The following LRRC7 variants were observed in gnomAD, a reference collection of about 807,000 sequenced individuals.
LRRC7 encodes leucine-rich repeat-containing protein 7.
Under a neutral mutation model 175.7 loss-of-function variants are expected in LRRC7, and 23 were observed. The ratio of observed to expected loss-of-function variants is 0.13; its 90% confidence interval spans 0.09 to 0.19. The LOEUF (loss-of-function observed/expected upper bound fraction) is 0.19, where lower values mean the gene tolerates loss of function less well. Among genes scored for constraint, LRRC7 ranks in the 10% least tolerant of loss-of-function variants. LRRC7 has a pLI of 1.00. For missense variants in LRRC7, 1,354 were observed against 1,904.7 expected (o/e 0.71, Z 5.38); for synonymous variants, 685 against 680.9 (o/e 1.01, Z -0.09).
chr1:69,786,469 C>A (rs1319459399), intron 3 of LRRC7, among the ~76,000 whole-genome samples: 1 of 145,306 alleles, frequency 6.9e-6, no homozygotes, highest in African/African-American at 2.5e-5. Context: ...CTTATTTTTT[C>A]TTCTTTCACT....
intron 8 of LRRC7, among the ~76,000 whole-genome samples, chr1:69,975,010 A>G (rs1652665763): frequency 6.6e-6 from 1 of 152,234 alleles, no homozygotes; most frequent in Admixed American, 6.5e-5. Flanking sequence ...TTTATCCATA[A>G]AGTGGGATTA....
chr1:70,100,282 C>G (rs895965582), intron 25 of LRRC7, among the ~76,000 whole-genome samples: 1 of 152,064 alleles, frequency 6.6e-6, no homozygotes, highest in African/African-American at 2.4e-5. Flanking sequence ...TAAAAGCAAT[C>G]TCAGAGAAAC....
intron 25 of LRRC7, among the ~76,000 whole-genome samples, chr1:70,093,841 C>T (rs1329720058): frequency 1.3e-5 from 2 of 151,650 alleles, no homozygotes; most frequent in African/African-American, 4.8e-5. Context: ...TTTCCAATTG[C>T]AAAATTTAAG....
At chr1:70,055,061 G>GT (rs1209855413) in intron 23 of LRRC7, among the ~76,000 whole-genome samples, 1 of 151,924 alleles carries the variant, frequency 6.6e-6, no homozygotes, top group Non-Finnish European at 1.5e-5. Context: ...AAAATATTTG[G>GT]TAATGCCACT....
chr1:69,613,316 G>T (rs77992551), intron 1 of LRRC7, among the ~76,000 whole-genome samples: 287 of 152,060 alleles, frequency 1.9e-3, no homozygotes, highest in African/African-American at 6.6e-3. Flanking sequence ...CTTCTTATAA[G>T]GACATTAATT....
rs1276069030 is a variant in LRRC7, at chr1:70,122,950, A to C, written c.*1063A>C. The C allele has an allele frequency of 6.6e-6, 1 of 152,554 alleles. No homozygotes were observed. Among genetic ancestry groups the C allele is most frequent in the Admixed American group, 6.6e-5 (1 of 15,266 alleles). 9.5% of individuals were successfully genotyped at this position (152,554 alleles called of 1,614,324 possible). Reference sequence around the variant, plus strand: ...TTTAAATCCTTGGTATTTAAATATGAAACTTCAAATATAATTTCTCAGAGC... The same window carrying C: ...TTTAAATCCTTGGTATTTAAATATGCAACTTCAAATATAATTTCTCAGAGC... On this transcript the variant is annotated 3_prime_UTR_variant, in exon 27 of 27. Coordinates refer to ENST00000651989, the MANE Select transcript of LRRC7 (RefSeq NM_001370785.2).
At chr1:70,047,490 C>G (rs998526254) in intron 22 of LRRC7, among the ~76,000 whole-genome samples, 1 of 151,988 alleles carries the variant, frequency 6.6e-6, no homozygotes, top group East Asian at 1.9e-4. Context: ...TTGTCCTGCA[C>G]CAAGGCTGTC....
intron 2 of LRRC7, among the ~76,000 whole-genome samples, chr1:69,715,286 A>G (rs1217573525): frequency 6.6e-6 from 1 of 152,196 alleles, no homozygotes; most frequent in Non-Finnish European, 1.5e-5. Context: ...GAAATTCTCT[A>G]TAGTCCTGAC....
At chr1:69,796,802 AAACAAAAAACAACAAC>A (rs1265391929) in intron 4 of LRRC7, among the ~76,000 whole-genome samples, 1 of 152,068 alleles carries the variant, frequency 6.6e-6, no homozygotes, top group Non-Finnish European at 1.5e-5. Context: ...CTCAAAAAAA[AAACAAAAAACAACAAC>A]AACAAAAAAC....
intron 8 of LRRC7, among the ~76,000 whole-genome samples, chr1:69,931,885 G>T (rs889532269): frequency 7.2e-5 from 11 of 152,122 alleles, no homozygotes; most frequent in African/African-American, 2.7e-4. Context: ...AATGGTCACT[G>T]TCATACATAG....
intron 1 of LRRC7, among the ~76,000 whole-genome samples, chr1:69,675,773 G>A (rs1163397327): frequency 6.6e-6 from 1 of 151,976 alleles, no homozygotes; most frequent in African/African-American, 2.4e-5. Context: ...AGACCTAGAA[G>A]CTTAATCTTC....
At chr1:69,782,613 G>A (rs1045984017) in intron 3 of LRRC7, among the ~76,000 whole-genome samples, 4 of 152,172 alleles carry the variant, frequency 2.6e-5, no homozygotes, top group Non-Finnish European at 5.9e-5. Flanking sequence ...ATGGAGAAGG[G>A]CCAGGGAAAA....
intron 15 of LRRC7, 42 bp from the exon 16 acceptor site, chr1:70,020,963 T>C (rs773580821): frequency 1.3e-6 from 2 of 1,552,040 alleles, no homozygotes; most frequent in South Asian, 1.2e-5. Flanking sequence ...TGTGTAAAAT[T>C]GTTTTTTAAA....
intron 8 of LRRC7, among the ~76,000 whole-genome samples, chr1:69,955,189 A>T (rs931915892): frequency 6.6e-6 from 1 of 152,020 alleles, no homozygotes; most frequent in Non-Finnish European, 1.5e-5. Flanking sequence ...TTCTCAATAT[A>T]CAAAAGTAAA....
chr1:69,652,724 T>C (rs1019741155), intron 1 of LRRC7, among the ~76,000 whole-genome samples: 11 of 151,636 alleles, frequency 7.3e-5, no homozygotes, highest in African/African-American at 2.7e-4. Context: ...ATAACCAAAA[T>C]AGAGGCTTCA....
intron 1 of LRRC7, among the ~76,000 whole-genome samples, chr1:69,636,424 GACAC>G (rs55772671): frequency 5.3e-5 from 8 of 150,412 alleles, no homozygotes; most frequent in Non-Finnish European, 8.9e-5. Flanking sequence ...TCCAGGCACA[GACAC>G]ACACACACAC....
At chr1:69,579,480 C>A (rs944347124) in intron 1 of LRRC7, among the ~76,000 whole-genome samples, 1 of 152,232 alleles carries the variant, frequency 6.6e-6, no homozygotes, top group Admixed American at 6.5e-5. Flanking sequence ...TCATTCCCAG[C>A]ATCATTGTTT....
At chr1:70,050,883 C>T (rs191617609) in intron 22 of LRRC7, among the ~76,000 whole-genome samples, 5 of 151,986 alleles carry the variant, frequency 3.3e-5, no homozygotes, top group Admixed American at 1.3e-4. Context: ...GTGTCTCATG[C>T]AAGAAAAACA....
At chr1:69,888,327 G>A (rs1042407891) in intron 7 of LRRC7, among the ~76,000 whole-genome samples, 22 of 152,270 alleles carry the variant, frequency 1.4e-4, no homozygotes, top group East Asian at 9.7e-4. Context: ...ATGGTGCGCC[G>A]TTTTTTAAGC....
Sources: allele counts gnomAD v4.1 joint callset (sites outside exome capture counted in the v4.1 genomes callset), GRCh38; gene constraint gnomAD v4.1.1; transcripts MANE v1.5; gene names NCBI Gene and HGNC (gene_info 2026-07-23, HGNC 2026-07-21).